TMEM266: variants seen among roughly 807,000 people sequenced by gnomAD.
The protein encoded by TMEM266 is Hv1 related protein 1.
TMEM266 carries 33 observed loss-of-function variants against 50.5 expected under a neutral mutation model. The ratio of observed to expected loss-of-function variants is 0.65; its 90% CI spans 0.50 to 0.87. TMEM266 has a LOEUF of 0.87. Among genes scored for constraint, TMEM266 ranks in the 40% least tolerant of loss-of-function variants. TMEM266 has a pLI of 0.00. For missense variants in TMEM266, 655 were observed against 695.1 expected, an observed-to-expected ratio of 0.94 and a Z score of 0.65; for synonymous variants, 310 against 292.3, an observed-to-expected ratio of 1.06 and a Z score of -0.62.
At chr15:76,164,201 A>T (rs574036843) in intron 5 of TMEM266, among the ~76,000 whole-genome samples, 2 of 152,224 alleles carry the variant, frequency 1.3e-5, no homozygotes, top group African/African-American at 4.8e-5. Context: ...GATGTAGCAC[A>T]GCACACTTTC....
At chr15:76,162,558 G>T (rs553430458) in intron 5 of TMEM266, among the ~76,000 whole-genome samples, 3 of 152,326 alleles carry the variant, frequency 2.0e-5, no homozygotes, top group Admixed American at 1.3e-4. Context: ...CTGTGTGTTT[G>T]CCCACCATAC....
At chr15:76,171,622 A>G (rs2038190299) in intron 7 of TMEM266, among the ~76,000 whole-genome samples, 1 of 152,200 alleles carries the variant, frequency 6.6e-6, no homozygotes, top group Non-Finnish European at 1.5e-5. Flanking sequence ...CCACAAGCCC[A>G]TTGACCTGCA....
Position 76,202,273 on chromosome 15 carries a change from G to A in TMEM266, c.1021+9G>A, listed in dbSNP as rs2038760711. The A allele has an allele frequency of 6.2e-7, 1 of 1,611,910 alleles. No individual in the cohort carries two copies. ...CAATGGGCCCAGCAGTGGTAAGTCT[G>A]GGTTGGGGCTGTTCTACATGTGCCA... On this transcript the variant is annotated intron_variant, in intron 10 of 10. Transcript: ENST00000388942.
At chr15:76,076,691 A>T (rs1249225094) in intron 1 of TMEM266, among the ~76,000 whole-genome samples, 1 of 152,050 alleles carries the variant, frequency 6.6e-6, no homozygotes, top group Non-Finnish European at 1.5e-5. Flanking sequence ...AGGGTAAGGA[A>T]CTGTCATGAA....
rs370901685 is a variant in TMEM266 at position 76,203,851 on chromosome 15, G to A, written c.1132G>A (p.Gly378Ser). The A allele has an allele frequency of 3.0e-5, 48 of 1,614,040 alleles. No individual in the cohort carries two copies. In the East Asian group the frequency reaches 4.9e-4, roughly 16 times the overall value. The change falls in exon 11 of 11, where the codon GGC (glycine) becomes AGC (serine). Residue 378 changes from glycine (G) to serine (S), a missense_variant. Around this residue, in one of 3 missense-constraint regions of TMEM266, gnomAD observed 455 missense variants for 401.8 expected, o/e 1.13. Transcript: ENST00000388942. ...CTCTCTGGACATGCCCCTCAAACTC[G>A]GCGGTAATGGCACCAGCGCCACCTC...
chr15:76,191,838 C>T, intron 8 of TMEM266, 130 bp from the exon 9 acceptor site: 1 of 816,186 alleles, frequency 1.2e-6, no homozygotes, highest in East Asian at 3.3e-5. Flanking sequence ...AAGGAATCAT[C>T]CAGCTGCGGG....
intron 1 of TMEM266, among the ~76,000 whole-genome samples, chr15:76,075,561 C>T (rs1596086458): frequency 6.6e-6 from 1 of 152,206 alleles, no homozygotes; most frequent in Middle Eastern, 3.4e-3. Context: ...TTGGGGACCC[C>T]TCAATCAGGC....
chr15:76,182,502 G>A (rs995964107), intron 8 of TMEM266, among the ~76,000 whole-genome samples: 5 of 151,914 alleles, frequency 3.3e-5, no homozygotes, highest in African/African-American at 9.7e-5. Context: ...AAATTAGCCC[G>A]GTGTGGTGGC....
chr15:76,148,064 C>G (rs970947069), intron 3 of TMEM266, among the ~76,000 whole-genome samples: 1 of 152,360 alleles, frequency 6.6e-6, no homozygotes, highest in East Asian at 1.9e-4. Context: ...GCTCACAAGG[C>G]GCAGGGTGTA....
intron 1 of TMEM266, among the ~76,000 whole-genome samples, chr15:76,107,057 T>C (rs1228760816): frequency 3.3e-5 from 5 of 152,214 alleles, no homozygotes; most frequent in African/African-American, 1.2e-4. Flanking sequence ...CTAGACTGTC[T>C]CTGTCCCACG....
chr15:76,112,064 A>G (rs910893073), intron 1 of TMEM266: 6 of 152,194 alleles, frequency 3.9e-5, no homozygotes, highest in African/African-American at 1.4e-4. Context: ...GATTCCACCT[A>G]TTTGACCTTC....
At chr15:76,081,013 G>T (rs2036685423) in intron 1 of TMEM266, among the ~76,000 whole-genome samples, 2 of 152,044 alleles carry the variant, frequency 1.3e-5, no homozygotes, top group South Asian at 4.1e-4. Context: ...GCCTCCCAGA[G>T]TGCTGGGATT....
intron 9 of TMEM266, among the ~76,000 whole-genome samples, chr15:76,199,333 C>G (rs944619742): frequency 4.6e-5 from 7 of 152,194 alleles, no homozygotes; most frequent in African/African-American, 1.7e-4. Context: ...GGCTGAAGGA[C>G]TCAACTATGT....
At chr15:76,136,876 G>A (rs1418268434) in intron 2 of TMEM266, among the ~76,000 whole-genome samples, 9 of 152,146 alleles carry the variant, frequency 5.9e-5, no homozygotes, top group East Asian at 1.9e-4. Context: ...ATGACCAACC[G>A]TGGTCATGGT....
chr15:76,165,468 G>A (rs1248133501), intron 5 of TMEM266, among the ~76,000 whole-genome samples: 1 of 152,222 alleles, frequency 6.6e-6, no homozygotes, highest in Non-Finnish European at 1.5e-5. Flanking sequence ...GCAGCCTCCT[G>A]AAGGCAAAAC....
chr15:76,191,766 A>G (rs891123285), intron 8 of TMEM266: 66 of 518,670 alleles, frequency 1.3e-4, no homozygotes, highest in African/African-American at 1.1e-3. Context: ...AGGATCGCAC[A>G]GGTTGGAAAA....
At chr15:76,108,641 A>G (rs1372187825) in intron 1 of TMEM266, among the ~76,000 whole-genome samples, 5 of 152,176 alleles carry the variant, frequency 3.3e-5, no homozygotes, top group Non-Finnish European at 7.4e-5. Context: ...AGCCTGGTCC[A>G]TTGAACTGGG....
At position 76,204,118 on chromosome 15, in the gene TMEM266, A is replaced by G; in HGVS notation, c.1399A>G (p.Ser467Gly). 3 of 1,612,970 alleles carry G rather than the reference A, an allele frequency of 1.9e-6. No individual in the cohort carries two copies. The highest frequency in any genetic ancestry group is 2.5e-6 in the Non-Finnish European group (3 of 1,179,618). Residue 467 changes from serine (S) to glycine (G), a missense_variant, in exon 11 of 11, where the codon AGC becomes GGC. Transcript: ENST00000388942. The part of the protein sequence containing the change: ...RPSPAGSAQT[S>G]PELEHRVSLF... The stretch of plus-strand genomic sequence containing the variant: ...GGACCCAGCCCCCCTCGCCCGGCCC[A>G]GCCCAGCGGGCTCGGCCCAAACCAG...
chr15:76,167,839 G>C (rs1003612208), intron 5 of TMEM266, among the ~76,000 whole-genome samples: 7 of 151,688 alleles, frequency 4.6e-5, no homozygotes, highest in African/African-American at 1.7e-4. Flanking sequence ...ACACTCTGCA[G>C]AACCAGAAAC....
Sources: allele counts gnomAD v4.1 joint callset (sites outside exome capture counted in the v4.1 genomes callset), GRCh38; gene constraint gnomAD v4.1.1; regional missense constraint gnomAD v4.1.1; transcripts MANE v1.5; gene names NCBI Gene and HGNC (gene_info 2026-07-23, HGNC 2026-07-21).